MAGI2: variants seen among roughly 807,000 people sequenced by gnomAD.
The protein encoded by MAGI2 is membrane-associated guanylate kinase, WW and PDZ domain-containing protein 2.
Under a neutral mutation model 133.3 loss-of-function variants are expected in MAGI2, and 35 were observed. The ratio of observed to expected loss-of-function variants is 0.26; its 90% CI spans 0.20 to 0.35. The LOEUF is 0.35. Among genes scored for constraint, MAGI2 ranks in the 10% least tolerant of loss-of-function variants. The pLI is 1.00. For missense variants in MAGI2, 1,636 were observed against 1,863.4 expected (o/e 0.88, Z 2.25); for synonymous variants, 729 against 710.6 (o/e 1.03, Z -0.41).
intron 1 of MAGI2, among the ~76,000 whole-genome samples, chr7:79,023,776 C>G (rs1809578209): frequency 6.6e-6 from 1 of 151,894 alleles, no homozygotes; most frequent in African/African-American, 2.4e-5. Flanking sequence ...TACAGTTAAC[C>G]AAAGTGGTGA....
chr7:78,783,474 CAT>C (rs1369630844), intron 2 of MAGI2, among the ~76,000 whole-genome samples: 2 of 152,130 alleles, frequency 1.3e-5, no homozygotes, highest in Non-Finnish European at 2.9e-5. Context: ...AAAAAAGAAA[CAT>C]AATTATAGAT....
intron 21 of MAGI2, among the ~76,000 whole-genome samples, chr7:78,074,188 T>C (rs1031724255): frequency 2.0e-5 from 3 of 152,156 alleles, no homozygotes; most frequent in Admixed American, 2.0e-4. Flanking sequence ...AGTCTTTGGG[T>C]AATTAGAGAT....
intron 3 of MAGI2, among the ~76,000 whole-genome samples, chr7:78,573,883 G>A (rs1430622989): frequency 6.6e-6 from 1 of 151,934 alleles, no homozygotes; most frequent in Non-Finnish European, 1.5e-5. Context: ...GTTTCAGTCT[G>A]GCTAGAGGCA....
At chr7:79,449,090 G>GA (rs1193976636) in intron 1 of MAGI2, among the ~76,000 whole-genome samples, 2 of 152,028 alleles carry the variant, frequency 1.3e-5, no homozygotes, top group East Asian at 1.9e-4. Context: ...CATTTCTACA[G>GA]AAAAAAAGTC....
At chr7:78,518,557 TTA>T (rs1796231467) in intron 4 of MAGI2, 1 of 152,210 alleles carries the variant, frequency 6.6e-6, no homozygotes, top group African/African-American at 2.4e-5. Context: ...CTTATTACTA[TTA>T]TCAATATTCC....
intron 21 of MAGI2, among the ~76,000 whole-genome samples, chr7:78,025,400 C>T (rs1808817180): frequency 6.6e-6 from 1 of 152,172 alleles, no homozygotes; most frequent in Admixed American, 6.5e-5. Flanking sequence ...ATTTGATAAA[C>T]ATCAGTCTCA....
intron 1 of MAGI2, among the ~76,000 whole-genome samples, chr7:79,405,921 C>CAAAA (rs34025242): frequency 1.6e-4 from 17 of 107,292 alleles, no homozygotes; most frequent in South Asian, 5.9e-4. Context: ...AACCACAACA[C>CAAAA]AAAAAAAAAA....
intron 1 of MAGI2, among the ~76,000 whole-genome samples, chr7:79,136,115 AAG>A (rs1426346281): frequency 6.7e-6 from 1 of 148,406 alleles, no homozygotes; most frequent in Non-Finnish European, 1.5e-5. Context: ...GAAAGAAAGA[AAG>A]AAAGAAAGAA....
intron 1 of MAGI2, among the ~76,000 whole-genome samples, chr7:79,402,688 G>T (rs911213169): frequency 1.3e-5 from 2 of 152,088 alleles, no homozygotes; most frequent in African/African-American, 4.8e-5. Context: ...CAGGCTGGGC[G>T]CAGTGGCTCA....
intron 2 of MAGI2, among the ~76,000 whole-genome samples, chr7:79,002,040 C>T (rs1214083289): frequency 6.6e-6 from 1 of 152,044 alleles, no homozygotes; most frequent in Admixed American, 6.6e-5. Context: ...CTCCCTTCTC[C>T]TGAAGTTCAA....
intron 9 of MAGI2, among the ~76,000 whole-genome samples, chr7:78,296,060 T>C (rs893006859): frequency 6.6e-6 from 1 of 152,196 alleles, no homozygotes; most frequent in Admixed American, 6.5e-5. Flanking sequence ...TCCCTTTCTT[T>C]GGCTACTCTA....
At chr7:78,477,509 A>G (rs117332378) in intron 6 of MAGI2, among the ~76,000 whole-genome samples, 4,305 of 151,962 alleles carry the variant, frequency 0.028, 264 homozygotes, top group East Asian at 0.27. Flanking sequence ...ACAGTTCCAC[A>G]TGGCTGGGGA....
At chr7:78,487,561 T>C (rs67578259) in intron 6 of MAGI2, among the ~76,000 whole-genome samples, 59,814 of 151,916 alleles carry the variant, frequency 0.39, 12,800 homozygotes, top group East Asian at 0.68. Flanking sequence ...AAAATCTTTA[T>C]CACCTGGCCC....
intron 1 of MAGI2, among the ~76,000 whole-genome samples, chr7:79,353,200 G>T (rs1166177512): frequency 2.0e-5 from 3 of 152,082 alleles, no homozygotes; most frequent in Middle Eastern, 3.2e-3. Context: ...CCCCCCAGCT[G>T]CCTAGGACCT....
intron 10 of MAGI2, among the ~76,000 whole-genome samples, chr7:78,233,453 A>G (rs755104212): frequency 3.3e-5 from 5 of 152,168 alleles, no homozygotes; most frequent in African/African-American, 4.8e-5. Flanking sequence ...GAAACCAGAC[A>G]GCAGTAGGAT....
chr7:78,361,426 C>T (rs1218614288), intron 7 of MAGI2, among the ~76,000 whole-genome samples: 2 of 151,158 alleles, frequency 1.3e-5, no homozygotes, highest in African/African-American at 4.9e-5. Flanking sequence ...CAAATACAAC[C>T]CCCCTCCCCC....
At chr7:78,279,549 C>T (rs915567822) in intron 9 of MAGI2, among the ~76,000 whole-genome samples, 5 of 152,154 alleles carry the variant, frequency 3.3e-5, no homozygotes, top group Admixed American at 1.3e-4. Context: ...ACCCTCAGGG[C>T]ATCTTAGCTG....
intron 2 of MAGI2, among the ~76,000 whole-genome samples, chr7:78,848,681 T>G (rs946393178): frequency 2.6e-5 from 4 of 152,002 alleles, no homozygotes; most frequent in Non-Finnish European, 1.5e-5. Flanking sequence ...ACCCCAAGCT[T>G]AGTCCCTCTT....
intron 1 of MAGI2, among the ~76,000 whole-genome samples, chr7:79,292,557 TG>T (rs1375729309): frequency 6.6e-6 from 1 of 151,496 alleles, no homozygotes; most frequent in Non-Finnish European, 1.5e-5. Flanking sequence ...CACTTGAACC[TG>T]AGAAACAGAG....
Sources: gnomAD v4.1 joint callset for allele counts (sites outside exome capture counted in the v4.1 genomes callset) on GRCh38, gnomAD v4.1.1 for gene constraint, MANE v1.5 for transcripts, NCBI Gene and HGNC (gene_info 2026-07-23, HGNC 2026-07-21) for gene names.